Variants in TASP1 observed in about 807,000 individuals in gnomAD.
TASP1 encodes threonine aspartase 1.
In TASP1, 16 loss-of-function variants were observed where a neutral mutation model predicts 56.6. The ratio of observed to expected loss-of-function variants is 0.28; its 90% confidence interval spans 0.19 to 0.43. TASP1 has a LOEUF of 0.43. Among genes scored for constraint, TASP1 ranks in the 20% least tolerant of loss-of-function variants. The pLI is 1.00. For missense variants in TASP1, 393 were observed against 511.6 expected (o/e 0.77, Z 2.24); for synonymous variants, 179 against 184.2 (o/e 0.97, Z 0.23).
the TASP1 span, among the ~76,000 whole-genome samples, chr20:13,287,335 A>C: frequency 1.3e-5 from 2 of 152,160 alleles, no homozygotes; most frequent in Non-Finnish European, 2.9e-5. Context: ...AGATCTCGTG[A>C]GACTTATTCA....
rs1026610662 is a variant in TASP1, at chr20:13,565,936, T to C, written c.568+3571A>G. Among the ~76,000 whole-genome samples, 3 of 152,212 alleles carry C rather than the reference T, an allele frequency of 2.0e-5. No homozygotes were observed. The South Asian group carries it at 6.2e-4, about 32-fold the overall frequency. On this transcript the variant is annotated intron_variant, in intron 7 of 13. Coordinates refer to ENST00000337743, the MANE Select transcript of TASP1 (RefSeq NM_017714.3). Reference sequence around the variant, plus strand: ...ATTATGCATGACAACCAAAAGGTAGTGTAACCCACGTATTCATCAGTGGAT... The same window carrying C: ...ATTATGCATGACAACCAAAAGGTAGCGTAACCCACGTATTCATCAGTGGAT...
At chr20:13,268,980 A>T in the TASP1 span, among the ~76,000 whole-genome samples, 1 of 152,256 alleles carries the variant, frequency 6.6e-6, no homozygotes, top group Admixed American at 6.5e-5. Context: ...CTCCAAGAAG[A>T]TATGTATCTG....
At chr20:13,590,112 A>G (rs1281119579) in intron 4 of TASP1, among the ~76,000 whole-genome samples, 2 of 152,084 alleles carry the variant, frequency 1.3e-5, no homozygotes, top group Admixed American at 1.3e-4. Flanking sequence ...GTCATCTGTA[A>G]TCGCAGCTAC....
chr20:13,456,618 C>T (rs963101847), intron 11 of TASP1, among the ~76,000 whole-genome samples: 1 of 152,070 alleles, frequency 6.6e-6, no homozygotes, highest in Admixed American at 6.6e-5. Context: ...CTGGCTGAAG[C>T]TTATGTTGAG....
the TASP1 span, among the ~76,000 whole-genome samples, chr20:13,128,597 C>T: frequency 6.6e-6 from 1 of 152,116 alleles, no homozygotes; most frequent in African/African-American, 2.4e-5. Context: ...ATGGCCACAC[C>T]CCTGAAAAGA....
chr20:13,443,793 T>C (rs1056843807), intron 11 of TASP1, among the ~76,000 whole-genome samples: 1 of 152,198 alleles, frequency 6.6e-6, no homozygotes, highest in African/African-American at 2.4e-5. Flanking sequence ...TAGTAACAGA[T>C]TCCTAATTAG....
the TASP1 span, among the ~76,000 whole-genome samples, chr20:13,336,067 G>C: frequency 3.1e-3 from 477 of 152,182 alleles, 4 homozygotes; most frequent in Middle Eastern, 0.034. Flanking sequence ...GATCTTAAAC[G>C]CTTCCAGGAA....
chr20:13,342,784 T>C, the TASP1 span, among the ~76,000 whole-genome samples: 1 of 152,272 alleles, frequency 6.6e-6, no homozygotes, highest in South Asian at 2.1e-4. Context: ...CCCTCCCTTC[T>C]GGACTGGGTT....
chr20:13,274,316 C>A, the TASP1 span, among the ~76,000 whole-genome samples: 6 of 152,182 alleles, frequency 3.9e-5, no homozygotes, highest in African/African-American at 1.4e-4. Context: ...CAGCAGACAG[C>A]CCTGCTGGTC....
chr20:13,595,042 A>G (rs1038552546), intron 4 of TASP1, among the ~76,000 whole-genome samples: 1 of 152,238 alleles, frequency 6.6e-6, no homozygotes, highest in African/African-American at 2.4e-5. Flanking sequence ...TGGAAACCCT[A>G]CAAGCCAGAA....
intron 13 of TASP1, among the ~76,000 whole-genome samples, chr20:13,401,183 C>A (rs1187332222): frequency 6.6e-6 from 1 of 152,136 alleles, no homozygotes; most frequent in East Asian, 1.9e-4. Context: ...ACTTAAAAAT[C>A]ATATTTTAAC....
chr20:13,195,187 T>A, the TASP1 span, among the ~76,000 whole-genome samples: 1 of 152,220 alleles, frequency 6.6e-6, no homozygotes, highest in African/African-American at 2.4e-5. Context: ...AACTTAACAA[T>A]ATAAATAAAG....
At chr20:13,371,010 T>C in the TASP1 span, among the ~76,000 whole-genome samples, 1 of 152,134 alleles carries the variant, frequency 6.6e-6, no homozygotes, top group Non-Finnish European at 1.5e-5. Context: ...GGTCAAGCAG[T>C]ATCATCCCCT....
the TASP1 span, among the ~76,000 whole-genome samples, chr20:13,338,327 C>A: frequency 2.0e-5 from 3 of 152,138 alleles, no homozygotes; most frequent in Admixed American, 1.3e-4. Flanking sequence ...GTGAGGAAGA[C>A]CAGATGTCAC....
chr20:13,266,426 G>A, the TASP1 span, among the ~76,000 whole-genome samples: 379 of 152,264 alleles, frequency 2.5e-3, 3 homozygotes, highest in South Asian at 6.6e-3. Flanking sequence ...TGCATAAGCC[G>A]TTTAATAGCT....
intron 10 of TASP1, among the ~76,000 whole-genome samples, chr20:13,522,951 G>A (rs1208575309): frequency 6.6e-6 from 1 of 152,154 alleles, no homozygotes; most frequent in East Asian, 1.9e-4. Context: ...GGAGGAGCAA[G>A]TTATTTGAGC....
chr20:13,395,326 A>G (rs1405531702), intron 13 of TASP1, among the ~76,000 whole-genome samples: 4 of 152,244 alleles, frequency 2.6e-5, no homozygotes, highest in Non-Finnish European at 2.9e-5. Context: ...TAGCCTCCTG[A>G]GACAAGTGTG....
At chr20:13,580,525 T>C (rs1405690570) in intron 6 of TASP1, among the ~76,000 whole-genome samples, 1 of 152,118 alleles carries the variant, frequency 6.6e-6, no homozygotes, top group Admixed American at 6.6e-5. Flanking sequence ...ATGAAACAGA[T>C]GAAGTACAAA....
chr20:13,486,785 A>G (rs1006915394), intron 10 of TASP1, among the ~76,000 whole-genome samples: 1 of 152,172 alleles, frequency 6.6e-6, no homozygotes, highest in East Asian at 1.9e-4. Flanking sequence ...CCACTGCCCA[A>G]AAAAAACTGT....
Sources: gnomAD v4.1 joint callset for allele counts (sites outside exome capture counted in the v4.1 genomes callset) on GRCh38, gnomAD v4.1.1 for gene constraint, MANE v1.5 for transcripts, NCBI Gene and HGNC (gene_info 2026-07-23, HGNC 2026-07-21) for gene names.